Variants in FASN observed in about 807,000 individuals in gnomAD.
FASN encodes the protein fatty acid synthase.
FASN carries 50 observed loss-of-function variants against 250.0 expected under a neutral mutation model. That is an observed-to-expected ratio of 0.20 (90% CI 0.16 to 0.25). FASN has a LOEUF of 0.25. Ranked by LOEUF, FASN falls within the 10% of genes least tolerant of loss-of-function variation. FASN has a pLI of 1.00. For synonymous variants in FASN, 1,909 were observed against 1,584.0 expected (o/e 1.21, Z -4.87); for missense variants, 3,031 against 3,498.5 (o/e 0.87, Z 3.37).
chr17:82,082,112 G>C lies in FASN; in HGVS notation c.6060C>G (p.Ser2020=). 1 of 1,608,140 alleles carries C rather than the reference G, an allele frequency of 6.2e-7. No individual in the cohort carries two copies. The highest frequency in any genetic ancestry group is 8.5e-7 in the Non-Finnish European group (1 of 1,179,986). Residue 2020 remains serine (S), a synonymous_variant, in exon 36 of 43, where the codon TCC becomes TCG. Transcript: ENST00000306749. Reference sequence around the variant, plus strand: ...CATTGCCACGCCCGCAGCTCACAGAGGAGAAGACCACAAAGTAGTCCAGCT... The same window carrying C: ...CATTGCCACGCCCGCAGCTCACAGACGAGAAGACCACAAAGTAGTCCAGCT... ...CPELDYFVVF[S]SVSCGRGNAG... is the part of the protein sequence containing the mutation.
chr17:82,085,596 C>T lies in FASN; in HGVS notation c.4008G>A (p.Leu1336=), dbSNP rs1166523685. Residue 1336 remains leucine (L), a synonymous_variant, in exon 23 of 43, where the codon CTG becomes CTA. Transcript: ENST00000306749. ...GCAGGAGCAGAAAGCCCCCTTCTCTCAGGGCAGCCACCATGTTGCTGAGAG... is the reference window on the plus strand; with the variant it reads ...GCAGGAGCAGAAAGCCCCCTTCTCTTAGGGCAGCCACCATGTTGCTGAGAG... The part of the protein sequence containing the change: ...ASALSNMVAA[L]REGGFLLLHT... The T allele has an allele frequency of 1.3e-6, 2 of 1,597,730 alleles. No homozygotes were observed. The highest frequency in any genetic ancestry group is 1.1e-5 in the South Asian group (1 of 88,598).
At chr17:82,079,927 C>T (rs779417078) in intron 41 of FASN, 13 of 654,964 alleles carry the variant, frequency 2.0e-5, no homozygotes, top group East Asian at 8.2e-5. Context: ...AGGCTGGTCT[C>T]GAACTCCCGA....
chr17:82,093,574 C>T (rs112268682), intron 4 of FASN, 24 bp downstream of exon 4: 69 of 1,612,598 alleles, frequency 4.3e-5, no homozygotes, highest in African/African-American at 1.2e-4. Flanking sequence ...CACCCACCTC[C>T]GCAGGAGGCT....
chr17:82,094,783 G>A (rs1367716058), intron 3 of FASN, among the ~76,000 whole-genome samples: 6 of 151,476 alleles, frequency 4.0e-5, no homozygotes, highest in Non-Finnish European at 7.4e-5. Context: ...GTGAGACTCC[G>A]TCTTAAAAAT....
Position 82,085,413 on chromosome 17 carries a change from G to C in FASN, c.4123-11C>G. ...GCTCTCCCACGCGTCCTGTGGGGGC[G>C]GTGGTCAGCACCCTGCCCGCCTGGC... On this transcript the variant is annotated splice_polypyrimidine_tract_variant and intron_variant, in intron 23 of 42. Transcript: ENST00000306749. 6.2e-7 allele frequency: 1 copy of C among 1,607,736 alleles called. No individual in the cohort carries two copies. The highest frequency in any genetic ancestry group is 8.5e-7 in the Non-Finnish European group (1 of 1,178,016).
At chr17:82,086,655 C>A (rs1376506356) in intron 21 of FASN, 97 bp from the exon 22 acceptor site, 1 of 882,328 alleles carries the variant, frequency 1.1e-6, no homozygotes, top group Admixed American at 2.0e-5. Flanking sequence ...GGGGCCACCA[C>A]CCCGCTCTGC....
chr17:82,092,021 G>A (rs1365569976), intron 8 of FASN, among the ~76,000 whole-genome samples: 3 of 152,204 alleles, frequency 2.0e-5, no homozygotes, highest in African/African-American at 7.2e-5. Context: ...GGCAGAGGGC[G>A]TGAGTGATCA....
In FASN at chr17:82,081,177, C is replaced by T. The variant is rs371231991; in HGVS notation, c.6582G>A (p.Ala2194=). The T allele has an allele frequency of 1.3e-5, 21 of 1,586,804 alleles. No individual in the cohort carries two copies. The highest frequency in any genetic ancestry group is 7.1e-5 in the Admixed American group (4 of 56,150). ...LRKLQELSSK[A]DEASELACPT... The stretch of plus-strand genomic sequence containing the variant: ...ACCCACACGCACCGCTGGCCTCATC[C>T]GCCTTTGAGGACAGCTCCTGCAGTT... The change falls in exon 38 of 43, where the codon GCG becomes GCA. Residue 2194 remains alanine, a synonymous_variant. Transcript: ENST00000306749.
chr17:82,094,632 T>C (rs1363056078), intron 3 of FASN, among the ~76,000 whole-genome samples: 1 of 150,468 alleles, frequency 6.6e-6, no homozygotes, highest in Non-Finnish European at 1.5e-5. Flanking sequence ...CTACTAAAAA[T>C]ACAAAAATTA....
In FASN at chr17:82,079,245, C is replaced by T. The variant is rs1248700076; in HGVS notation, c.7434G>A (p.Glu2478=). The change falls in exon 43 of 43, where the codon GAG becomes GAA. Residue 2478 remains glutamate, a synonymous_variant. Transcript: ENST00000306749. Reference sequence around the variant, plus strand: ...CCTCCAGCAGCGTGCGGTGGTCACCCTCGATGACGTGGACGGATACTTTCC... The same window carrying T: ...CCTCCAGCAGCGTGCGGTGGTCACCTTCGATGACGTGGACGGATACTTTCC... The part of the protein sequence containing the change: ...CDGKVSVHVI[E]GDHRTLLEGS... 6.2e-7 allele frequency: 1 copy of T among 1,613,040 alleles called. No homozygotes were observed. The highest frequency in any genetic ancestry group is 8.5e-7 in the Non-Finnish European group (1 of 1,179,964).
chr17:82,090,242 G>A (rs1351550477), intron 11 of FASN, 133 bp downstream of exon 11: 41 of 870,024 alleles, frequency 4.7e-5, no homozygotes, highest in East Asian at 8.0e-5. Flanking sequence ...GGCTGTGTCC[G>A]AGCTGGGTGT....
At chr17:82,090,603 C>T (rs1191510880) in intron 10 of FASN, 39 bp from the exon 11 acceptor site, 1 of 1,575,842 alleles carries the variant, frequency 6.3e-7, no homozygotes, top group Non-Finnish European at 8.7e-7. Flanking sequence ...CAACCTCCAG[C>T]AGGTGCAGCT....
rs1425093621 is a variant in FASN at position 82,085,702 on chromosome 17, T to C, written c.3902A>G (p.Asp1301Gly). 13 of 1,567,410 alleles carry C rather than the reference T, an allele frequency of 8.3e-6. No homozygotes were observed. The East Asian group carries it at 3.1e-4, about 37-fold the overall frequency. The change falls in exon 23 of 43, where the codon GAC (aspartate) becomes GGC (glycine). Residue 1301 changes from aspartate (D) to glycine (G), a missense_variant. Asp to Gly is a moderately conservative substitution (Grantham distance 94). Transcript: ENST00000306749. The part of the protein sequence containing the change: ...DVAQGQWDPA[D>G]PAPSALGSAD... ...GCTGCCCAGGGCGCTGGGGGCAGGGTCTGCGGGATCCCACTGGCCCTGGGC... is the reference window on the plus strand; with the variant it reads ...GCTGCCCAGGGCGCTGGGGGCAGGGCCTGCGGGATCCCACTGGCCCTGGGC...
At chr17:82,083,491 C>T (rs753040187) in intron 31 of FASN, 26 bp downstream of exon 31, 3 of 1,612,648 alleles carry the variant, frequency 1.9e-6, no homozygotes. Context: ...CCATGCCCAC[C>T]CCCGCCCAGG....
rs771041226 is a variant in FASN, at chr17:82,087,966, G to A, written c.2854C>T (p.Leu952=). ...CGGCCCTGCTTACCACTCACTACCA[G>A]GTTGCCGTTCTCTGACACCTCGAAG... ...RAFEVSENGN[L]VVSGKVYQWD... Residue 952 remains leucine, a synonymous_variant, in exon 18 of 43, where the codon CTG becomes TTG. Coordinates refer to ENST00000306749, the MANE Select transcript of FASN (RefSeq NM_004104.5). 4.3e-6 allele frequency: 7 copies of A among 1,612,754 alleles called. No individual in the cohort carries two copies. The Admixed American group carries it at 1.0e-4, about 23-fold the overall frequency.
chr17:82,089,470 A>G, intron 12 of FASN, 86 bp from the exon 13 acceptor site: 1 of 1,607,258 alleles, frequency 6.2e-7, no homozygotes. Flanking sequence ...CCTCACCCCA[A>G]GGGAACCGAG....
In FASN at chr17:82,079,275, G is replaced by A. The variant is rs146597157; in HGVS notation, c.7404C>T (p.Cys2468=). 4.7e-5 allele frequency: 76 copies of A among 1,613,028 alleles called. No homozygotes were observed. The Middle Eastern group carries it at 1.2e-3, about 25-fold the overall frequency. ...LGADYNLSQV[C]DGKVSVHVIE... The stretch of plus-strand genomic sequence containing the variant: ...TGACGTGGACGGATACTTTCCCGTC[G>A]CATACCTGCAGGGGATGCGATCAGC... The change falls in exon 43 of 43, where the codon TGC becomes TGT. Residue 2468 remains cysteine (C), a synonymous_variant. Coordinates refer to ENST00000306749, the MANE Select transcript of FASN (RefSeq NM_004104.5).
In FASN at chr17:82,092,771, G is replaced by T. The variant is rs562846615; in HGVS notation, c.820C>A (p.Arg274Ser). 8.1e-6 allele frequency: 13 copies of T among 1,605,352 alleles called. No homozygotes were observed. The Admixed American group carries it at 1.5e-4, about 19-fold the overall frequency. Residue 274 changes from arginine to serine, a missense_variant, in exon 7 of 43, where the codon CGC becomes AGC. Transcript: ENST00000306749. Reference protein sequence around the residue: ...PSGDIQEQLIRSLYQSAGVAP... With the variant: ...PSGDIQEQLISSLYQSAGVAP... ...ACTCCGGCCGACTGGTACAACGAGC[G>T]GATGAGCTGCTCCTGGATATCCCCT...
At position 82,087,401 on chromosome 17, in the gene FASN, G is replaced by T. The variant is rs1177932516; in HGVS notation, c.3147C>A (p.Pro1049=). ...CGATGTGGATGGCGGTGACACGGGT[G>T]GGCAGGTACAGGCCGTGCTTGGCCG... ...LGSAKHGLYL[P]TRVTAIHIDP... is the part of the protein sequence containing the mutation. The change falls in exon 20 of 43, where the codon CCC becomes CCA. Residue 1049 remains proline (P), a synonymous_variant. Transcript: ENST00000306749. 2 of 1,612,672 alleles carry T rather than the reference G, an allele frequency of 1.2e-6. No homozygotes were observed. Among genetic ancestry groups the T allele is most frequent in the Non-Finnish European group, 8.5e-7 (1 of 1,179,980 alleles).
Sources: allele counts gnomAD v4.1 joint callset (sites outside exome capture counted in the v4.1 genomes callset), GRCh38; gene constraint gnomAD v4.1.1; transcripts MANE v1.5; gene names NCBI Gene and HGNC (gene_info 2026-07-23, HGNC 2026-07-21).